The following CPTP variants were observed in gnomAD, a reference collection of about 807,000 sequenced individuals.
The protein encoded by CPTP is ceramide-1-phosphate transfer protein.
CPTP carries 5 observed loss-of-function variants against 5.7 expected under a neutral mutation model. That is an observed-to-expected ratio of 0.88 (90% CI 0.46 to 1.86). The LOEUF (loss-of-function observed/expected upper bound fraction) is 1.86. Ranked by LOEUF, CPTP falls within the 40% of genes most tolerant of loss-of-function variation. The probability of loss-of-function intolerance (pLI) is 0.01; values close to 1 mark genes in which losing one functional copy is unlikely to be tolerated. For missense variants in CPTP, 335 were observed against 306.5 expected (o/e 1.09, Z -0.69); for synonymous variants, 166 against 142.7 (o/e 1.16, Z -1.16).
Position 1,327,239 on chromosome 1 carries a change from A to C in CPTP, c.123-2A>C, listed in dbSNP as rs1422699438. 2.5e-6 allele frequency: 4 copies of C among 1,595,148 alleles called. No individual in the cohort carries two copies. Among genetic ancestry groups the C allele is most frequent in the Non-Finnish European group, 3.4e-6 (4 of 1,178,712 alleles). On this transcript the variant is annotated splice_acceptor_variant, in intron 2 of 2. Transcript: ENST00000343938. LOFTEE classifies it high-confidence loss of function. Reference sequence around the variant, plus strand: ...GGACTCGAGCCCCGCTCCCTTCCACAGGTTTCTGAACAGCCTGGGCACCAT... The same window carrying C: ...GGACTCGAGCCCCGCTCCCTTCCACCGGTTTCTGAACAGCCTGGGCACCAT...
intron 2 of CPTP, 56 bp from the exon 3 acceptor site, chr1:1,327,185 C>G (rs921491349): frequency 5.0e-6 from 8 of 1,587,198 alleles, no homozygotes; most frequent in Non-Finnish European, 6.8e-6. Flanking sequence ...TCCCCTGCAC[C>G]CCAGGCGGGC....
intron 2 of CPTP, 25 bp downstream of exon 2, chr1:1,327,057 G>A (rs1366472120): frequency 6.2e-7 from 1 of 1,611,780 alleles, no homozygotes; most frequent in South Asian, 1.1e-5. Flanking sequence ...GCTGCCTCCT[G>A]AGGTGGGCGC....
In CPTP at chr1:1,326,974, G is replaced by T; in HGVS notation, c.64G>T (p.Asp22Tyr). 6.2e-7 allele frequency: 1 copy of T among 1,613,734 alleles called. No individual in the cohort carries two copies. The highest frequency in any genetic ancestry group is 1.1e-5 in the South Asian group (1 of 91,082). ...VVLVSFKQCL[D>Y]EKEEVLLDPY... ...CCTGGTCAGTTTCAAGCAGTGTCTC[G>T]ATGAGAAGGAAGAGGTCTTGCTGGA... Residue 22 changes from aspartate (D) to tyrosine (Y), a missense_variant, in exon 2 of 3, where the codon GAT becomes TAT. Transcript: ENST00000343938.
rs1643365149 is a variant in CPTP, at chr1:1,328,767, G to C, written c.*1004G>C. 6.6e-6 allele frequency: 1 copy of C among 152,500 alleles called. No homozygotes were observed. The highest frequency in any genetic ancestry group is 2.4e-5 in the African/African-American group (1 of 41,466). The allele number at this position is 152,500 out of a possible 1,614,324, so 9.4% of individuals were successfully genotyped here. ...CACTGGCTCTTCACAGTGGACCCCAGCACCTCGGGGTGGCAGAGGGACGGC... is the reference window on the plus strand; with the variant it reads ...CACTGGCTCTTCACAGTGGACCCCACCACCTCGGGGTGGCAGAGGGACGGC... On this transcript the variant is annotated 3_prime_UTR_variant, in exon 3 of 3. Transcript: ENST00000343938.
In CPTP at chr1:1,324,835, G is replaced by A; in HGVS notation, c.-343G>A. The A allele has an allele frequency of 4.1e-6, 2 of 492,144 alleles. No individual in the cohort carries two copies. The highest frequency in any genetic ancestry group is 5.9e-5 in the South Asian group (2 of 34,090). 30.5% of individuals were successfully genotyped at this position (492,144 alleles called of 1,614,324 possible). A position where few individuals can be genotyped will look rare whatever the true frequency, so the allele number is the denominator to read the frequency against. ...CACGGCGGCTACGGCCTAGGTGAGCGGCTCGGACTCGGCGGCCGCACCTGC... is the reference window on the plus strand; with the variant it reads ...CACGGCGGCTACGGCCTAGGTGAGCAGCTCGGACTCGGCGGCCGCACCTGC... On this transcript the variant is annotated 5_prime_UTR_variant, in exon 1 of 3. Coordinates refer to ENST00000343938, the MANE Select transcript of CPTP (RefSeq NM_001029885.2).
chr1:1,327,656 C>T lies in CPTP; in HGVS notation c.538C>T (p.Pro180Ser). 6.2e-7 allele frequency: 1 copy of T among 1,612,760 alleles called. No individual in the cohort carries two copies. Among genetic ancestry groups the T allele is most frequent in the South Asian group, 1.1e-5 (1 of 91,092 alleles). Residue 180 changes from proline (P) to serine (S), a missense_variant, in exon 3 of 3, where the codon CCG becomes TCG. By Grantham distance (74) the Pro-to-Ser change is moderately conservative. Transcript: ENST00000343938. ...CCTGGAGGCCATGAACGTGGGGCCC[C>T]CGGAGCAGGCCGTGCAGATGCTAGG... ...VFLEAMNVGP[P>S]EQAVQMLGEA...
chr1:1,325,710 C>CG (rs1643283668), intron 1 of CPTP: 1 of 152,322 alleles, frequency 6.6e-6, no homozygotes, highest in Non-Finnish European at 1.5e-5. Flanking sequence ...GCCTGGGCCA[C>CG]GGGCTGGGCA....
intron 1 of CPTP, chr1:1,325,466 C>T (rs560614516): frequency 1.3e-5 from 2 of 152,428 alleles, no homozygotes; most frequent in East Asian, 3.9e-4. Context: ...AGAAGGAAAC[C>T]CCAGAGCCTC....
Position 1,326,896 on chromosome 1 carries a change from C to T in CPTP, c.-15C>T, listed in dbSNP as rs113667133. On this transcript the variant is annotated 5_prime_UTR_variant, in exon 2 of 3. Transcript: ENST00000343938. ...CAGCCCCCCAGCCCTACTGTATTTCCGTTCCTATCAAAAAATGGATGACTC... is the reference window on the plus strand; with the variant it reads ...CAGCCCCCCAGCCCTACTGTATTTCTGTTCCTATCAAAAAATGGATGACTC... 8,237 of 1,613,610 alleles carry T rather than the reference C, an allele frequency of 5.1e-3. 331 individuals carry two copies. In the African/African-American group the frequency reaches 0.089, roughly 18 times the overall value.
At chr1:1,326,724 G>A (rs570989542) in intron 1 of CPTP, 112 bp from the exon 2 acceptor site, 26 of 686,666 alleles carry the variant, frequency 3.8e-5, no homozygotes, top group South Asian at 2.4e-4. Context: ...GAGAGCCTGC[G>A]GCTTGGCTGG....
chr1:1,327,553 G>A lies in CPTP; in HGVS notation c.435G>A (p.Ser145=), dbSNP rs145255153. 5.7e-5 allele frequency: 91 copies of A among 1,596,108 alleles called. No individual in the cohort carries two copies. The highest frequency in any genetic ancestry group is 4.9e-5 in the Non-Finnish European group (57 of 1,172,750). ...TCTGCGCCGACTCCTACAACGCCTCGCTGGCCGCCTACCACCCCTGGGTCG... is the reference window on the plus strand; with the variant it reads ...TCTGCGCCGACTCCTACAACGCCTCACTGGCCGCCTACCACCCCTGGGTCG... ...SALCADSYNA[S]LAAYHPWVVR... is the part of the protein sequence containing the mutation. Residue 145 remains serine, a synonymous_variant, in exon 3 of 3, where the codon TCG becomes TCA. Coordinates refer to ENST00000343938, the MANE Select transcript of CPTP (RefSeq NM_001029885.2).
chr1:1,326,434 CAG>C (rs1643306421), intron 1 of CPTP, among the ~76,000 whole-genome samples: 3 of 152,196 alleles, frequency 2.0e-5, no homozygotes, highest in African/African-American at 7.2e-5. Flanking sequence ...CCCATGCACC[CAG>C]ATAGATGGCT....
chr1:1,327,326 G>A lies in CPTP; in HGVS notation c.208G>A (p.Gly70Ser), dbSNP rs570644348. 8.8e-6 allele frequency: 14 copies of A among 1,597,902 alleles called. 1 individual carries two copies. In the South Asian group the frequency reaches 1.2e-4, roughly 14 times the overall value. Residue 70 changes from glycine to serine, a missense_variant, in exon 3 of 3, where the codon GGC becomes AGC. Transcript: ENST00000343938. ...GCGGATCATGGAGCGCCTCAGGGGC[G>A]GCCCGCAGAGCGAGCACTACCGCAG... ...KLRIMERLRGGPQSEHYRSLQ... is the reference protein window; with the variant it reads ...KLRIMERLRGSPQSEHYRSLQ...
Position 1,327,672 on chromosome 1 carries a change from A to G in CPTP, c.554A>G (p.Gln185Arg), listed in dbSNP as rs763028246. ...MNVGPPEQAV[Q>R]MLGEALPFIQ... The stretch of plus-strand genomic sequence containing the variant: ...GTGGGGCCCCCGGAGCAGGCCGTGC[A>G]GATGCTAGGCGAGGCCCTCCCCTTC... The change falls in exon 3 of 3, where the codon CAG becomes CGG. Residue 185 changes from glutamine to arginine, a missense_variant. Transcript: ENST00000343938. 3 of 1,612,776 alleles carry G rather than the reference A, an allele frequency of 1.9e-6. No individual in the cohort carries two copies. Among genetic ancestry groups the G allele is most frequent in the Non-Finnish European group, 8.5e-7 (1 of 1,179,924 alleles).
chr1:1,326,838 A>G lies in CPTP; in HGVS notation c.-73A>G. ...ATTTTGTTCCCCTCCACACACAGAA[A>G]ATGAGCCACAGAGCAAGCTGACCCC... On this transcript the variant is annotated splice_region_variant and 5_prime_UTR_variant, in exon 2 of 3. Transcript: ENST00000343938. 3 of 1,598,802 alleles carry G rather than the reference A, an allele frequency of 1.9e-6. No homozygotes were observed. The highest frequency in any genetic ancestry group is 1.7e-6 in the Non-Finnish European group (2 of 1,168,506).
chr1:1,327,211 C>T lies in CPTP; in HGVS notation c.123-30C>T, dbSNP rs2296472. 1,416,734 of 1,590,514 alleles carry T rather than the reference C, an allele frequency of 0.89. 642,077 individuals are homozygous for T. The highest frequency in any genetic ancestry group is 0.93 in the Non-Finnish European group (1,098,331 of 1,177,138). On this transcript the variant is annotated intron_variant, in intron 2 of 2. Transcript: ENST00000343938. ...CCAGGCGGGCTGCCCCAGGCCTGGG[C>T]GAGGACTCGAGCCCCGCTCCCTTCC...
rs745942142 is a variant in CPTP, at chr1:1,327,542, TACA to T, written c.427_429del (p.Asn143del). The stretch of plus-strand genomic sequence containing the variant: ...CACCTCCGCGCTCTGCGCCGACTCC[TACA>T]ACGCCTCGCTGGCCGCCTACCACCC... On this transcript the variant is annotated inframe_deletion, in exon 3 of 3. Transcript: ENST00000343938. The T allele has an allele frequency of 1.9e-6, 3 of 1,591,254 alleles. No individual in the cohort carries two copies. Among genetic ancestry groups the T allele is most frequent in the Admixed American group, 1.8e-5 (1 of 56,898 alleles).
At position 1,327,289 on chromosome 1, in the gene CPTP, G is replaced by A. The variant is rs1378812921; in HGVS notation, c.171G>A (p.Val57=). 1.3e-6 allele frequency: 2 copies of A among 1,598,172 alleles called. No individual in the cohort carries two copies. The highest frequency in any genetic ancestry group is 8.5e-7 in the Non-Finnish European group (1 of 1,179,512). ...GTIFSFISKD[V]VSKLRIMERL... is the part of the protein sequence containing the mutation. ...TCTTCTCATTCATCTCCAAGGACGT[G>A]GTCTCCAAGCTGCGGATCATGGAGC... The change falls in exon 3 of 3, where the codon GTG becomes GTA. Residue 57 remains valine, a synonymous_variant. Transcript: ENST00000343938.
Position 1,327,364 on chromosome 1 carries a change from G to T in CPTP, c.246G>T (p.Met82Ile), listed in dbSNP as rs765913702. The part of the protein sequence containing the change: ...QSEHYRSLQA[M>I]VAHELSNRLV... ...AGCACTACCGCAGCCTGCAGGCCAT[G>T]GTGGCCCACGAGCTGAGCAACCGGC... Residue 82 changes from methionine to isoleucine, a missense_variant, in exon 3 of 3, where the codon ATG (methionine) becomes ATT (isoleucine). Met to Ile is a conservative substitution (Grantham distance 10). Transcript: ENST00000343938. The T allele has an allele frequency of 3.5e-5, 56 of 1,598,240 alleles. No individual in the cohort carries two copies. The highest frequency in any genetic ancestry group is 4.6e-5 in the Non-Finnish European group (54 of 1,178,954).
Sources: gnomAD v4.1 joint callset for allele counts (sites outside exome capture counted in the v4.1 genomes callset) on GRCh38, gnomAD v4.1.1 for gene constraint, MANE v1.5 for transcripts, NCBI Gene and HGNC (gene_info 2026-07-23, HGNC 2026-07-21) for gene names.